Variants in IQSEC1 observed in about 807,000 individuals in gnomAD.
The protein encoded by IQSEC1 is IQ motif and SEC7 domain-containing protein 1.
In IQSEC1, 31 loss-of-function variants were observed where a neutral mutation model predicts 91.0. The ratio of observed to expected loss-of-function variants is 0.34; its 90% CI spans 0.26 to 0.46. The LOEUF is 0.46. Among genes scored for constraint, IQSEC1 ranks in the 20% least tolerant of loss-of-function variants. The pLI is 1.00. For missense variants in IQSEC1, 1,388 were observed against 1,575.6 expected (o/e 0.88, Z 2.02); for synonymous variants, 699 against 662.6 (o/e 1.05, Z -0.84).
In IQSEC1 at chr3:12,979,816, C is replaced by T. The variant is rs149105707; in HGVS notation, c.24-37951G>A. Among the ~76,000 whole-genome samples the T allele has an allele frequency of 5.0e-4, 76 of 152,286 alleles. No individual in the cohort carries two copies. The highest frequency in any genetic ancestry group is 1.6e-3 in the African/African-American group (68 of 41,550). On this transcript the variant is annotated intron_variant, in intron 1 of 13. Transcript: ENST00000613206. The surrounding 1 kb of genome is among the most constrained non-coding windows in gnomAD (Gnocchi z 4.3). ...ATGTCACCAAGAGCTGAGCCTGTGCCTCACCCGGAATCGTTTCGCGGCCTG... is the reference window on the plus strand; with the variant it reads ...ATGTCACCAAGAGCTGAGCCTGTGCTTCACCCGGAATCGTTTCGCGGCCTG...
chr3:13,217,640 C>T (rs140654509), intron 1 of IQSEC1, among the ~76,000 whole-genome samples: 103 of 152,292 alleles, frequency 6.8e-4, no homozygotes, highest in African/African-American at 2.4e-3. Context: ...TCATTCTAGG[C>T]CCCATCTCCA....
intron 2 of IQSEC1, among the ~76,000 whole-genome samples, chr3:13,146,675 A>G (rs905308630): frequency 6.6e-6 from 1 of 152,234 alleles, no homozygotes; most frequent in South Asian, 2.1e-4. Flanking sequence ...CTCCGTGTCT[A>G]CTAAAAATAC....
chr3:13,254,881 C>T (rs1254428629), intron 1 of IQSEC1, among the ~76,000 whole-genome samples: 1 of 152,176 alleles, frequency 6.6e-6, no homozygotes, highest in African/African-American at 2.4e-5. Flanking sequence ...GAGTTAGCCA[C>T]CTGCGACCCG....
chr3:12,902,683 A>AAAAAAAAAAAAAAAAAAG, intron 13 of IQSEC1, 90 bp downstream of exon 13: 1 of 658,572 alleles, frequency 1.5e-6, no homozygotes, highest in South Asian at 2.2e-5. Flanking sequence ...AAAAAAAAAA[A>AAAAAAAAAAAAAAAAAAG]AAAAAAAAAA....
At position 12,920,363 on chromosome 3, in the gene IQSEC1, G is replaced by A. The variant is rs1469532563; in HGVS notation, c.2020+67C>T. 2.6e-6 allele frequency: 4 copies of A among 1,540,912 alleles called. No individual in the cohort carries two copies. In the African/African-American group the frequency reaches 4.1e-5, roughly 16 times the overall value. ...GGTTGCCTCACGCCCCTTACATCTG[G>A]GGAGGGCCTGGCTGGGGCAGGTGCT... On this transcript the variant is annotated intron_variant, in intron 6 of 13. Coordinates refer to ENST00000613206, the MANE Select transcript of IQSEC1 (RefSeq NM_001134382.3).
intron 1 of IQSEC1, among the ~76,000 whole-genome samples, chr3:12,984,709 G>A (rs1481334164): frequency 6.6e-6 from 1 of 151,632 alleles, no homozygotes; most frequent in Non-Finnish European, 1.5e-5. Context: ...AAGATAAGTC[G>A]CTTACAGGTC....
chr3:13,062,291 G>C (rs903038094), intron 1 of IQSEC1, among the ~76,000 whole-genome samples: 2 of 152,188 alleles, frequency 1.3e-5, no homozygotes, highest in Non-Finnish European at 1.5e-5. Flanking sequence ...GAATCCAGGG[G>C]AGGAAGGGGA....
At chr3:13,130,620 C>T (rs978908333) in intron 2 of IQSEC1, among the ~76,000 whole-genome samples, 1 of 152,020 alleles carries the variant, frequency 6.6e-6, no homozygotes, top group Non-Finnish European at 1.5e-5. Context: ...TACATCAAGG[C>T]TACTTGTCCT....
chr3:13,243,423 GA>G (rs529780983), intron 1 of IQSEC1, among the ~76,000 whole-genome samples: 210 of 152,330 alleles, frequency 1.4e-3, no homozygotes, highest in African/African-American at 4.9e-3. Context: ...GCCTTTGCCA[GA>G]GCCAGCTAAG....
intron 1 of IQSEC1, among the ~76,000 whole-genome samples, chr3:12,964,478 C>T (rs1007891759): frequency 2.0e-5 from 3 of 152,180 alleles, no homozygotes; most frequent in Non-Finnish European, 4.4e-5. Flanking sequence ...GAAAATCCAG[C>T]GGGTCATTGG....
chr3:13,111,282 G>A (rs570887303), intron 2 of IQSEC1, among the ~76,000 whole-genome samples: 2 of 152,358 alleles, frequency 1.3e-5, no homozygotes, highest in Admixed American at 6.5e-5. Flanking sequence ...AGAGAGAGCT[G>A]TAATGCCTAA....
chr3:13,083,891 G>C (rs923833479), intron 2 of IQSEC1, among the ~76,000 whole-genome samples: 3 of 152,226 alleles, frequency 2.0e-5, no homozygotes, highest in East Asian at 1.9e-4. Context: ...AATATCTCTC[G>C]GTCCCCACTT....
At chr3:13,062,912 G>A (rs924232773) in intron 1 of IQSEC1, among the ~76,000 whole-genome samples, 2 of 152,206 alleles carry the variant, frequency 1.3e-5, no homozygotes, top group Admixed American at 6.5e-5. Context: ...CCACGCTCAG[G>A]TCAGCCGCCT....
chr3:13,235,910 G>A (rs1005645076), intron 1 of IQSEC1, among the ~76,000 whole-genome samples: 8 of 152,224 alleles, frequency 5.3e-5, no homozygotes, highest in Non-Finnish European at 8.8e-5. Context: ...GAGACAACCC[G>A]CTGCGGCAGA....
chr3:13,126,348 C>G (rs986241596), intron 2 of IQSEC1, among the ~76,000 whole-genome samples: 2 of 152,248 alleles, frequency 1.3e-5, no homozygotes, highest in Admixed American at 6.5e-5. Context: ...CTGCGCATAT[C>G]AAAGTTCATT....
chr3:12,959,488 G>A (rs188707715), intron 1 of IQSEC1, among the ~76,000 whole-genome samples: 1 of 152,196 alleles, frequency 6.6e-6, no homozygotes, highest in Non-Finnish European at 1.5e-5. Context: ...TCTGATGGAG[G>A]AGTCACGGGC....
At chr3:12,932,455 TG>T (rs1258582298) in intron 3 of IQSEC1, among the ~76,000 whole-genome samples, 2 of 152,230 alleles carry the variant, frequency 1.3e-5, no homozygotes, top group African/African-American at 4.8e-5. Context: ...GCTCACCCAC[TG>T]CACAGGGTAA....
chr3:13,275,974 G>A (rs1238997312), intron 1 of IQSEC1, among the ~76,000 whole-genome samples: 1 of 151,580 alleles, frequency 6.6e-6, no homozygotes, highest in Non-Finnish European at 1.5e-5. Flanking sequence ...CTTCATTGCA[G>A]AATCCAGGGG....
chr3:13,129,618 G>C (rs1364976389), intron 2 of IQSEC1, among the ~76,000 whole-genome samples: 1 of 143,298 alleles, frequency 7.0e-6, no homozygotes, highest in Non-Finnish European at 1.5e-5. Context: ...TTAGTGCTCT[G>C]TTTTCTCCTA....
Sources: allele counts gnomAD v4.1 joint callset (sites outside exome capture counted in the v4.1 genomes callset), GRCh38; gene constraint gnomAD v4.1.1; non-coding constraint Gnocchi (gnomAD v3.1); transcripts MANE v1.5; gene names NCBI Gene and HGNC (gene_info 2026-07-23, HGNC 2026-07-21).